Variants in SH3PXD2A observed in about 807,000 individuals in gnomAD.
SH3PXD2A encodes SH3 and PX domains 2A, also known as SH3 and PX domain-containing protein 2A.
A neutral mutation model predicts 115.2 loss-of-function variants in SH3PXD2A; 32 were observed. That is an observed-to-expected ratio of 0.28 (90% CI 0.21 to 0.37). The LOEUF (loss-of-function observed/expected upper bound fraction) is 0.37. Ranked by LOEUF, SH3PXD2A falls within the 10% of genes least tolerant of loss-of-function variation. The probability of loss-of-function intolerance (pLI) is 1.00; values close to 1 mark genes in which losing one functional copy is unlikely to be tolerated. For missense variants in SH3PXD2A, 1,328 were observed against 1,498.7 expected, an observed-to-expected ratio of 0.89 and a Z score of 1.88; for synonymous variants, 610 against 629.1, an observed-to-expected ratio of 0.97 and a Z score of 0.45.
intron 1 of SH3PXD2A, among the ~76,000 whole-genome samples, chr10:103,848,885 A>G (rs2134327840): frequency 6.6e-6 from 1 of 150,560 alleles, no homozygotes; most frequent in South Asian, 2.1e-4. Context: ...GCTCTTTACA[A>G]TTACAAACTC....
At chr10:103,818,973 G>T (rs1339545863) in intron 1 of SH3PXD2A, among the ~76,000 whole-genome samples, 2 of 152,172 alleles carry the variant, frequency 1.3e-5, no homozygotes, top group East Asian at 3.8e-4. Flanking sequence ...AATCATTCTT[G>T]ACTGGATTAC....
At chr10:103,674,580 G>C (rs2037503944) in intron 6 of SH3PXD2A, among the ~76,000 whole-genome samples, 1 of 152,314 alleles carries the variant, frequency 6.6e-6, no homozygotes, top group East Asian at 1.9e-4. Context: ...CTAGTGCTTT[G>C]GGAGGCTAAG....
chr10:103,620,080 C>T lies in SH3PXD2A; in HGVS notation c.802+2390G>A, dbSNP rs1476606883. On this transcript the variant is annotated intron_variant, in intron 10 of 14. Coordinates refer to ENST00000369774, the MANE Select transcript of SH3PXD2A (RefSeq NM_001394015.1). The surrounding 1 kb of genome is among the most constrained non-coding windows in gnomAD (Gnocchi z 5.3). ...CTGGGCCACAAACCCCATCTGGGGG[C>T]GCCAGACAAGAGGAGGCCCAGACAG... Among the ~76,000 whole-genome samples, 1 of 152,168 alleles carries T rather than the reference C, an allele frequency of 6.6e-6. No homozygotes were observed.
chr10:103,608,445 A>AG (rs1318723823), intron 13 of SH3PXD2A, among the ~76,000 whole-genome samples: 7 of 150,534 alleles, frequency 4.7e-5, no homozygotes, highest in African/African-American at 7.3e-5. Flanking sequence ...AAAAAAAAAA[A>AG]AAAAAGAAAA....
At chr10:103,770,153 A>G (rs1164394135) in intron 2 of SH3PXD2A, among the ~76,000 whole-genome samples, 1 of 152,200 alleles carries the variant, frequency 6.6e-6, no homozygotes, top group African/African-American at 2.4e-5. Context: ...TGAACCCATC[A>G]ATACTTTCAC....
At chr10:103,633,763 CTCCAAG>C (rs1247272707) in intron 8 of SH3PXD2A, among the ~76,000 whole-genome samples, 1 of 140,304 alleles carries the variant, frequency 7.1e-6, no homozygotes, top group African/African-American at 2.7e-5. Flanking sequence ...AAAGACTCAG[CTCCAAG>C]TCTTGACGGC....
At chr10:103,737,718 C>T (rs1006057550) in intron 3 of SH3PXD2A, among the ~76,000 whole-genome samples, 5 of 152,178 alleles carry the variant, frequency 3.3e-5, no homozygotes. Flanking sequence ...TGAGTGTGTG[C>T]CCATGGCTAG....
At chr10:103,825,087 C>T (rs2039416962) in intron 1 of SH3PXD2A, among the ~76,000 whole-genome samples, 2 of 152,234 alleles carry the variant, frequency 1.3e-5, no homozygotes, top group Admixed American at 1.3e-4. Context: ...TGTGCCCAGC[C>T]TCTCTCTAAA....
At chr10:103,786,909 C>A (rs1439735759) in intron 2 of SH3PXD2A, among the ~76,000 whole-genome samples, 1 of 152,218 alleles carries the variant, frequency 6.6e-6, no homozygotes, top group Non-Finnish European at 1.5e-5. Flanking sequence ...TCCTTCCTTC[C>A]TTCTTGCCCT....
chr10:103,710,438 C>T (rs967464508), intron 5 of SH3PXD2A, among the ~76,000 whole-genome samples: 1 of 152,096 alleles, frequency 6.6e-6, no homozygotes, highest in Non-Finnish European at 1.5e-5. Context: ...TGGTGAGATA[C>T]AGTAATTGAG....
chr10:103,730,479 G>C lies in SH3PXD2A; in HGVS notation c.306+5253C>G, dbSNP rs71471295. On this transcript the variant is annotated intron_variant, in intron 4 of 14. Transcript: ENST00000369774. Reference sequence around the variant, plus strand: ...ACTGTTCTTTCTAGGTCACCATCTAGAAAGCTGGGGTCTCACTGAACTTCT... The same window carrying C: ...ACTGTTCTTTCTAGGTCACCATCTACAAAGCTGGGGTCTCACTGAACTTCT... Among the ~76,000 whole-genome samples the C allele has an allele frequency of 4.6e-5, 7 of 152,102 alleles. No individual in the cohort carries two copies. In the East Asian group the frequency reaches 1.2e-3, roughly 25 times the overall value.
chr10:103,788,167 C>T (rs1333431765), intron 2 of SH3PXD2A, among the ~76,000 whole-genome samples: 1 of 152,222 alleles, frequency 6.6e-6, no homozygotes, highest in Non-Finnish European at 1.5e-5. Flanking sequence ...TTCACCGCTG[C>T]TCCAGCCATG....
At chr10:103,828,358 G>A (rs2039451806) in intron 1 of SH3PXD2A, among the ~76,000 whole-genome samples, 1 of 152,134 alleles carries the variant, frequency 6.6e-6, no homozygotes, top group Non-Finnish European at 1.5e-5. Context: ...CTCCTCAAAT[G>A]AGCTTCCCCA....
rs867487244 is a variant in SH3PXD2A at position 103,607,616 on chromosome 10, C to T, written c.1309-1699G>A. Among the ~76,000 whole-genome samples the T allele has an allele frequency of 1.3e-3, 200 of 152,246 alleles. 1 individual carries two copies. The highest frequency in any genetic ancestry group is 4.1e-3 in the African/African-American group (171 of 41,548). ...GCCGCCCCTACTGGGCAGTGAGGAG[C>T]CCCTCTGCCCGGCCACCACCCCGTC... On this transcript the variant is annotated intron_variant, in intron 13 of 14. Coordinates refer to ENST00000369774, the MANE Select transcript of SH3PXD2A (RefSeq NM_001394015.1).
chr10:103,836,933 C>G (rs1480889647), intron 1 of SH3PXD2A, among the ~76,000 whole-genome samples: 1 of 152,164 alleles, frequency 6.6e-6, no homozygotes, highest in East Asian at 1.9e-4. Flanking sequence ...AGCCCCTCTC[C>G]GTTTCCTTAG....
At chr10:103,735,950 G>A (rs1357235807) in intron 3 of SH3PXD2A, 142 bp from the exon 4 acceptor site, 3 of 757,668 alleles carry the variant, frequency 4.0e-6, no homozygotes, top group Non-Finnish European at 4.7e-6. Context: ...AAACAAGAGA[G>A]AAACAGTCAC....
chr10:103,640,702 G>C (rs1243945316), intron 8 of SH3PXD2A, among the ~76,000 whole-genome samples: 1 of 152,218 alleles, frequency 6.6e-6, no homozygotes, highest in Non-Finnish European at 1.5e-5. Context: ...GCCTCATGCT[G>C]GTCGTGGTTA....
At chr10:103,801,215 C>A in intron 2 of SH3PXD2A, 67 bp downstream of exon 2, 1 of 939,410 alleles carries the variant, frequency 1.1e-6, no homozygotes, top group Non-Finnish European at 1.7e-6. Context: ...CCTGGATAAG[C>A]GAGGGTATGA....
intron 10 of SH3PXD2A, among the ~76,000 whole-genome samples, chr10:103,619,698 G>T (rs551842504): frequency 6.6e-6 from 1 of 152,228 alleles, no homozygotes; most frequent in Non-Finnish European, 1.5e-5. Context: ...CTGACCTCTT[G>T]GGGGTGGGGG....
Sources: gnomAD v4.1 joint callset for allele counts (sites outside exome capture counted in the v4.1 genomes callset) on GRCh38, gnomAD v4.1.1 for gene constraint, Gnocchi (gnomAD v3.1) non-coding constraint, MANE v1.5 for transcripts, NCBI Gene and HGNC (gene_info 2026-07-23, HGNC 2026-07-21) for gene names.